Variants in CNTNAP2 observed in about 807,000 individuals in gnomAD.
The protein encoded by CNTNAP2 is contactin-associated protein-like 2.
CNTNAP2 carries 98 observed loss-of-function variants against 155.2 expected under a neutral mutation model. The ratio of observed to expected loss-of-function variants is 0.63; its 90% CI spans 0.54 to 0.75. CNTNAP2 has a LOEUF of 0.75. Among genes scored for constraint, CNTNAP2 ranks in the 30% least tolerant of loss-of-function variants. The probability of loss-of-function intolerance (pLI) is 0.00; values close to 1 mark genes in which losing one functional copy is unlikely to be tolerated. For missense variants in CNTNAP2, 1,727 were observed against 1,688.1 expected (o/e 1.02, Z -0.40); for synonymous variants, 651 against 631.2 (o/e 1.03, Z -0.47).
At chr7:148,367,241 AAAAG>A (rs1554425524) in intron 21 of CNTNAP2, among the ~76,000 whole-genome samples, 38 of 137,026 alleles carry the variant, frequency 2.8e-4, no homozygotes, top group Non-Finnish European at 5.6e-4. Flanking sequence ...AAAAAAAAAT[AAAAG>A]AAAAGAAAAA....
intron 3 of CNTNAP2, among the ~76,000 whole-genome samples, chr7:147,022,915 A>G (rs980562072): frequency 3.3e-5 from 5 of 152,130 alleles, no homozygotes; most frequent in African/African-American, 1.2e-4. Flanking sequence ...AATGAATTAT[A>G]TTTGGTGTTC....
intron 13 of CNTNAP2, among the ~76,000 whole-genome samples, chr7:147,890,720 A>G (rs1210628440): frequency 6.6e-6 from 1 of 152,208 alleles, no homozygotes; most frequent in Non-Finnish European, 1.5e-5. Context: ...CAAATACCAC[A>G]TCATCTCACT....
At chr7:147,705,572 C>T (rs965851078) in intron 13 of CNTNAP2, among the ~76,000 whole-genome samples, 15 of 152,114 alleles carry the variant, frequency 9.9e-5, no homozygotes, top group Non-Finnish European at 2.9e-5. Context: ...TCCATTTGGT[C>T]AAGTGTGCAG....
intron 13 of CNTNAP2, among the ~76,000 whole-genome samples, chr7:147,848,950 T>G (rs1324626960): frequency 6.6e-6 from 1 of 152,050 alleles, no homozygotes; most frequent in African/African-American, 2.4e-5. Context: ...AGCCTTAACA[T>G]CTCCATATTA....
intron 11 of CNTNAP2, among the ~76,000 whole-genome samples, chr7:147,561,655 C>A (rs1363583208): frequency 6.6e-6 from 1 of 152,036 alleles, no homozygotes; most frequent in Non-Finnish European, 1.5e-5. Flanking sequence ...TATTTATGGA[C>A]AACTTGTACA....
intron 13 of CNTNAP2, among the ~76,000 whole-genome samples, chr7:147,763,022 G>T (rs1342381826): frequency 2.0e-5 from 3 of 152,052 alleles, no homozygotes; most frequent in Non-Finnish European, 2.9e-5. Flanking sequence ...ATTTTGGGAG[G>T]CCAATGTGAG....
At chr7:148,041,397 C>G (rs1320612640) in intron 15 of CNTNAP2, among the ~76,000 whole-genome samples, 1 of 152,176 alleles carries the variant, frequency 6.6e-6, no homozygotes, top group African/African-American at 2.4e-5. Flanking sequence ...TTGTAAGGCA[C>G]CAACTTGAAA....
Position 147,353,041 on chromosome 7 carries a change from A to G in CNTNAP2, c.1499-42568A>G, listed in dbSNP as rs143700938. Among the ~76,000 whole-genome samples, 227 of 151,622 alleles carry G rather than the reference A, an allele frequency of 1.5e-3. 2 individuals are homozygous for G. Among genetic ancestry groups the G allele is most frequent in the African/African-American group, 5.3e-3 (217 of 41,318 alleles). On this transcript the variant is annotated intron_variant, in intron 9 of 23. Coordinates refer to ENST00000361727, the MANE Select transcript of CNTNAP2 (RefSeq NM_014141.6). ...CAATTAGTCACTCATATAAAGTGAGATATTATAAACCGCAACTCTGTTTCA... is the reference window on the plus strand; with the variant it reads ...CAATTAGTCACTCATATAAAGTGAGGTATTATAAACCGCAACTCTGTTTCA...
At chr7:148,093,862 C>T (rs948710980) in intron 15 of CNTNAP2, among the ~76,000 whole-genome samples, 2 of 152,158 alleles carry the variant, frequency 1.3e-5, no homozygotes, top group South Asian at 4.1e-4. Flanking sequence ...GCAGCCTCAA[C>T]CTCGCAGGCT....
intron 9 of CNTNAP2, among the ~76,000 whole-genome samples, chr7:147,369,574 T>C (rs1160763152): frequency 6.6e-6 from 1 of 152,206 alleles, no homozygotes; most frequent in African/African-American, 2.4e-5. Flanking sequence ...AAGGGCCTAA[T>C]AAATATTCTC....
In CNTNAP2 at chr7:147,782,765, A is replaced by G. The variant is rs540522105; in HGVS notation, c.2099-120800A>G. On this transcript the variant is annotated intron_variant, in intron 13 of 23. Transcript: ENST00000361727. ...TTTATGTCATTTCCTCTGAACCATAATCATTGCTCCACCCGCTAATTTTAC... is the reference window on the plus strand; with the variant it reads ...TTTATGTCATTTCCTCTGAACCATAGTCATTGCTCCACCCGCTAATTTTAC... Among the ~76,000 whole-genome samples, 5 of 152,266 alleles carry G rather than the reference A, an allele frequency of 3.3e-5. 1 individual carries two copies. In the South Asian group the frequency reaches 1.0e-3, roughly 32 times the overall value.
intron 20 of CNTNAP2, among the ~76,000 whole-genome samples, chr7:148,265,046 AG>A (rs1466004479): frequency 6.6e-6 from 1 of 152,184 alleles, no homozygotes; most frequent in Non-Finnish European, 1.5e-5. Context: ...TCACCTCCTA[AG>A]GCATTGCCAG....
chr7:148,127,634 C>A (rs1216414649), intron 16 of CNTNAP2, among the ~76,000 whole-genome samples: 1 of 152,132 alleles, frequency 6.6e-6, no homozygotes, highest in East Asian at 1.9e-4. Context: ...AAATATTCTG[C>A]AATATACAGA....
At chr7:147,896,084 T>C (rs1446021481) in intron 13 of CNTNAP2, among the ~76,000 whole-genome samples, 1 of 152,192 alleles carries the variant, frequency 6.6e-6, no homozygotes, top group Admixed American at 6.5e-5. Context: ...TATTGTGACT[T>C]GAGAAAGAGT....
intron 1 of CNTNAP2, among the ~76,000 whole-genome samples, chr7:146,265,457 CT>C (rs796634792): frequency 1.4e-3 from 194 of 135,394 alleles, no homozygotes; most frequent in Non-Finnish European, 1.7e-3. Flanking sequence ...TTCTTTCTTT[CT>C]TTTTTTTTTT....
At position 147,756,384 on chromosome 7, in the gene CNTNAP2, A is replaced by T. The variant is rs1396343504; in HGVS notation, c.2098+117078A>T. Reference sequence around the variant, plus strand: ...TACTCTTTGGTATTTGCAAGGTAATAACCAGCTAACAGCAATGTATCAATG... The same window carrying T: ...TACTCTTTGGTATTTGCAAGGTAATTACCAGCTAACAGCAATGTATCAATG... On this transcript the variant is annotated intron_variant, in intron 13 of 23. Coordinates refer to ENST00000361727, the MANE Select transcript of CNTNAP2 (RefSeq NM_014141.6). 3.9e-5 allele frequency among the ~76,000 whole-genome samples: 6 copies of T among 152,358 alleles called. No individual in the cohort carries two copies. The South Asian group carries it at 1.0e-3, about 26-fold the overall frequency.
chr7:147,789,721 G>A lies in CNTNAP2; in HGVS notation c.2099-113844G>A, dbSNP rs144298243. Reference sequence around the variant, plus strand: ...GCTAGCAGGGCAAGAAAAAGCAGGCGGAAGGAGGTGGAAGGTGTTGACTTG... The same window carrying A: ...GCTAGCAGGGCAAGAAAAAGCAGGCAGAAGGAGGTGGAAGGTGTTGACTTG... On this transcript the variant is annotated intron_variant, in intron 13 of 23. Transcript: ENST00000361727. Among the ~76,000 whole-genome samples the A allele has an allele frequency of 8.7e-3, 1,326 of 152,306 alleles. 6 individuals are homozygous for A. The highest frequency in any genetic ancestry group is 0.013 in the Non-Finnish European group (898 of 68,030).
intron 1 of CNTNAP2, among the ~76,000 whole-genome samples, chr7:146,207,108 T>TA (rs1462801488): frequency 6.6e-6 from 1 of 151,614 alleles, no homozygotes; most frequent in Non-Finnish European, 1.5e-5. Context: ...AAAATCTATC[T>TA]AAAAAAAATC....
At chr7:147,335,463 T>A (rs826797) in intron 9 of CNTNAP2, among the ~76,000 whole-genome samples, 152,250 of 152,256 alleles carry the variant, frequency 1, 76,122 homozygotes, top group Middle Eastern at 1. Flanking sequence ...ATTGCAAAGG[T>A]TTAATTTTCT....
Sources: gnomAD v4.1 joint callset for allele counts (sites outside exome capture counted in the v4.1 genomes callset) on GRCh38, gnomAD v4.1.1 for gene constraint, MANE v1.5 for transcripts, NCBI Gene and HGNC (gene_info 2026-07-23, HGNC 2026-07-21) for gene names.